DPP6: variants seen among roughly 807,000 people sequenced by gnomAD.
DPP6 encodes dipeptidyl peptidase like 6.
DPP6 carries 69 observed loss-of-function variants against 122.6 expected under a neutral mutation model. The ratio of observed to expected loss-of-function variants is 0.56; its 90% CI spans 0.46 to 0.69. The LOEUF (loss-of-function observed/expected upper bound fraction) is 0.69. DPP6 is among the 30% of genes least tolerant of loss of function. DPP6 has a pLI of 0.00. For synonymous variants in DPP6, 418 were observed against 433.1 expected (o/e 0.97, Z 0.43); for missense variants, 928 against 1,116.9 (o/e 0.83, Z 2.41).
chr7:154,543,672 T>C (rs1828910912), intron 4 of DPP6, among the ~76,000 whole-genome samples: 2 of 152,174 alleles, frequency 1.3e-5, no homozygotes, highest in Admixed American at 1.3e-4. Flanking sequence ...AATCATGAAA[T>C]ATTTCACAAT....
intron 1 of DPP6, among the ~76,000 whole-genome samples, chr7:154,428,824 A>G (rs898555982): frequency 1.3e-5 from 2 of 152,302 alleles, no homozygotes; most frequent in African/African-American, 4.8e-5. Context: ...ACAGAGTGGT[A>G]TAATAGATTT....
chr7:153,823,261 C>T, the DPP6 span, among the ~76,000 whole-genome samples: 73,723 of 151,314 alleles, frequency 0.49, 18,027 homozygotes, highest in Admixed American at 0.54. Context: ...TGAGTCTTGA[C>T]GGAGGGGAGA....
At chr7:154,032,096 G>A (rs1585204693) in intron 1 of DPP6, among the ~76,000 whole-genome samples, 5 of 150,318 alleles carry the variant, frequency 3.3e-5, no homozygotes, top group South Asian at 4.2e-4. Flanking sequence ...GGATGGTCTC[G>A]ATCTCCTGAC....
At chr7:153,815,942 C>T in the DPP6 span, among the ~76,000 whole-genome samples, 1 of 152,098 alleles carries the variant, frequency 6.6e-6, no homozygotes, top group Non-Finnish European at 1.5e-5. Context: ...CAATGTTTGT[C>T]AAGAAGCTAG....
At chr7:154,509,208 G>A (rs981107916) in intron 3 of DPP6, among the ~76,000 whole-genome samples, 1 of 152,122 alleles carries the variant, frequency 6.6e-6, no homozygotes, top group African/African-American at 2.4e-5. Flanking sequence ...TATCAAGTGG[G>A]AGAAAATATT....
In DPP6 at chr7:154,052,729, T is replaced by C. The variant is rs574564311; in HGVS notation, c.-92T>C. 2.4e-6 allele frequency: 3 copies of C among 1,276,530 alleles called. No homozygotes were observed. In the Admixed American group the frequency reaches 8.5e-5, roughly 36 times the overall value. The allele number at this position is 1,276,530 out of a possible 1,614,324, so 79.1% of individuals were successfully genotyped here. On this transcript the variant is annotated 5_prime_UTR_variant, in exon 1 of 26. Coordinates refer to ENST00000377770, the MANE Select transcript of DPP6 (RefSeq NM_130797.4). The surrounding 1 kb of genome is among the most constrained non-coding windows in gnomAD (Gnocchi z 4.8). ...GCTGCCTCCCCACCGCCTTTTTTTT[T>C]TTTTAATCTGGAGCGGGGTGGGGAG...
chr7:154,491,759 A>G (rs1824297923), intron 3 of DPP6, among the ~76,000 whole-genome samples: 2 of 152,180 alleles, frequency 1.3e-5, no homozygotes, highest in Admixed American at 6.5e-5. Flanking sequence ...ACTGACTGTG[A>G]TCATGCCCCC....
intron 1 of DPP6, among the ~76,000 whole-genome samples, chr7:154,367,422 A>C (rs1191568311): frequency 6.6e-6 from 1 of 152,224 alleles, no homozygotes; most frequent in East Asian, 1.9e-4. Flanking sequence ...TGGCTTTTGC[A>C]AGTGACTCTG....
chr7:154,786,984 A>G (rs1427485423), intron 10 of DPP6, among the ~76,000 whole-genome samples: 2 of 152,122 alleles, frequency 1.3e-5, no homozygotes, highest in East Asian at 1.9e-4. Flanking sequence ...TGACCCTTCT[A>G]TCTACTTTCT....
intron 1 of DPP6, among the ~76,000 whole-genome samples, chr7:154,312,530 G>A (rs1307730138): frequency 1.3e-5 from 2 of 152,196 alleles, no homozygotes; most frequent in East Asian, 3.9e-4. Context: ...GTGTGGAACT[G>A]CACGAGACTC....
At chr7:154,245,652 A>AAAAAAAAAAC (rs1801936236) in intron 1 of DPP6, among the ~76,000 whole-genome samples, 1 of 144,748 alleles carries the variant, frequency 6.9e-6, no homozygotes, top group Non-Finnish European at 1.5e-5. Context: ...AAAAAAAAAA[A>AAAAAAAAAAC]GCTATGGCTA....
intron 1 of DPP6, among the ~76,000 whole-genome samples, chr7:154,078,513 G>A: frequency 6.6e-6 from 1 of 152,062 alleles, no homozygotes; most frequent in East Asian, 1.9e-4. Flanking sequence ...GCCAGCAACT[G>A]AGTTATTCCC....
chr7:153,797,125 C>G, the DPP6 span, among the ~76,000 whole-genome samples: 1 of 152,164 alleles, frequency 6.6e-6, no homozygotes, highest in Non-Finnish European at 1.5e-5. Context: ...GGATCATTCC[C>G]ATTTAGCTCT....
intron 1 of DPP6, among the ~76,000 whole-genome samples, chr7:154,085,293 C>A (rs1372897859): frequency 2.0e-5 from 3 of 152,142 alleles, no homozygotes; most frequent in African/African-American, 7.2e-5. Flanking sequence ...TCGCCACTCT[C>A]AAGCTTTTCC....
At chr7:154,586,254 G>A (rs746036540) in intron 5 of DPP6, among the ~76,000 whole-genome samples, 35 of 152,144 alleles carry the variant, frequency 2.3e-4, no homozygotes, top group African/African-American at 8.2e-4. Context: ...TTAGGAGGCT[G>A]AGGCAGGAGG....
At chr7:154,537,073 T>C (rs1828319201) in intron 3 of DPP6, among the ~76,000 whole-genome samples, 1 of 152,184 alleles carries the variant, frequency 6.6e-6, no homozygotes, top group African/African-American at 2.4e-5. Context: ...ATTTTTACTA[T>C]ATTAATAATT....
Position 154,091,410 on chromosome 7 carries a change from C to T in DPP6, c.243+38347C>T, listed in dbSNP as rs114067229. On this transcript the variant is annotated intron_variant, in intron 1 of 25. Transcript: ENST00000377770. ...TAGCTTCTCATAGCTGGGCATATTT[C>T]TATTTCCTGGGTTATCTGAATGCAT... 9.3e-3 allele frequency among the ~76,000 whole-genome samples: 1,416 copies of T among 152,312 alleles called. 22 individuals are homozygous for T. Among genetic ancestry groups the T allele is most frequent in the African/African-American group, 0.033 (1,362 of 41,570 alleles).
At chr7:153,848,292 C>CGA in the DPP6 span, among the ~76,000 whole-genome samples, 17 of 151,252 alleles carry the variant, frequency 1.1e-4, no homozygotes, top group East Asian at 5.9e-4. Flanking sequence ...CCCCGCTCCC[C>CGA]GAGAGAGCAG....
the DPP6 span, among the ~76,000 whole-genome samples, chr7:153,822,336 C>T: frequency 6.6e-6 from 1 of 151,918 alleles, no homozygotes. Context: ...ACTACAGGCG[C>T]ACGCCACCAC....
Sources: gnomAD v4.1 joint callset for allele counts (sites outside exome capture counted in the v4.1 genomes callset) on GRCh38, gnomAD v4.1.1 for gene constraint, Gnocchi (gnomAD v3.1) non-coding constraint, MANE v1.5 for transcripts, NCBI Gene and HGNC (gene_info 2026-07-23, HGNC 2026-07-21) for gene names.